GLRA2: variants seen among roughly 807,000 people sequenced by gnomAD.
GLRA2 encodes the protein glycine receptor alpha 2.
In GLRA2, 11 loss-of-function variants were observed where a neutral mutation model predicts 31.6. The observed-to-expected ratio is 0.35, with a 90% CI of 0.22 to 0.58. The LOEUF (loss-of-function observed/expected upper bound fraction) is 0.58. GLRA2 is among the 20% of genes least tolerant of loss of function. The probability of loss-of-function intolerance (pLI) is 0.84; values close to 1 mark genes in which losing one functional copy is unlikely to be tolerated. For synonymous variants in GLRA2, 132 were observed against 134.0 expected (o/e 0.99, Z 0.10); for missense variants, 212 against 351.8 (o/e 0.60, Z 3.18).
the GLRA2 span, among the ~76,000 whole-genome samples, chrX:14,475,282 T>G: frequency 8.9e-6 from 1 of 112,856 alleles, no homozygotes; most frequent in Non-Finnish European, 1.9e-5. Context: ...TAAAGACTGC[T>G]TCTTTACATT....
At chrX:14,550,354 G>A (rs1376199682) in intron 2 of GLRA2, among the ~76,000 whole-genome samples, 1 of 109,623 alleles carries the variant, frequency 9.1e-6, no homozygotes, top group Admixed American at 9.8e-5. Flanking sequence ...GATAATTGAT[G>A]GAGGAGAGTT....
At chrX:14,583,592 A>C (rs1462392977) in intron 4 of GLRA2, among the ~76,000 whole-genome samples, 1 of 111,619 alleles carries the variant, frequency 9.0e-6, no homozygotes, top group Non-Finnish European at 1.9e-5. Flanking sequence ...ATAAAAAATT[A>C]GCCGGGCATG....
intron 7 of GLRA2, among the ~76,000 whole-genome samples, chrX:14,668,082 C>T (rs1420938309): frequency 9.0e-6 from 1 of 111,595 alleles, no homozygotes; most frequent in Non-Finnish European, 1.9e-5. Flanking sequence ...ACTTCCAAAG[C>T]TCACTCATAT....
chrX:14,677,099 A>G (rs1414284889), intron 7 of GLRA2, among the ~76,000 whole-genome samples: 1 of 112,011 alleles, frequency 8.9e-6, no homozygotes, highest in Non-Finnish European at 1.9e-5. Flanking sequence ...CATCTAAATA[A>G]TAAGTATTCT....
chrX:14,481,780 C>A, the GLRA2 span, among the ~76,000 whole-genome samples: 5 of 109,601 alleles, frequency 4.6e-5, no homozygotes, highest in Non-Finnish European at 9.5e-5. Context: ...TATGGTAATA[C>A]AAACAAAACA....
intron 7 of GLRA2, among the ~76,000 whole-genome samples, chrX:14,653,986 A>G (rs1254508471): frequency 1.8e-5 from 2 of 111,800 alleles, no homozygotes; most frequent in Non-Finnish European, 3.8e-5. Context: ...TAAGCCAGGC[A>G]TGGTGGTGTG....
the GLRA2 span, among the ~76,000 whole-genome samples, chrX:14,466,741 C>A: frequency 1.8e-5 from 2 of 111,924 alleles, no homozygotes; most frequent in Admixed American, 1.9e-4. Flanking sequence ...CTTTTAGTAT[C>A]CTGAGGAAAA....
At position 14,576,236 on chromosome X, in the gene GLRA2, C is replaced by G. The variant is rs747398700; in HGVS notation, c.270+1836C>G. On this transcript the variant is annotated intron_variant, in intron 3 of 8. Coordinates refer to ENST00000218075, the MANE Select transcript of GLRA2 (RefSeq NM_002063.4). Reference sequence around the variant, plus strand: ...ATTAGACATAATTCAACTCCATTACCCATTTTGATATTATTCTGAAACATT... The same window carrying G: ...ATTAGACATAATTCAACTCCATTACGCATTTTGATATTATTCTGAAACATT... Among the ~76,000 whole-genome samples the G allele has an allele frequency of 3.6e-5, 4 of 111,196 alleles. No homozygotes were observed. In the South Asian group the frequency reaches 1.5e-3, roughly 42 times the overall value.
At chrX:14,548,360 AT>A (rs2089509400) in intron 2 of GLRA2, among the ~76,000 whole-genome samples, 1 of 111,649 alleles carries the variant, frequency 9.0e-6, no homozygotes, top group South Asian at 3.7e-4. Flanking sequence ...TACAGGTTGA[AT>A]TGAATTTATC....
At chrX:14,564,933 A>G (rs940595130) in intron 2 of GLRA2, among the ~76,000 whole-genome samples, 1 of 111,279 alleles carries the variant, frequency 9.0e-6, no homozygotes, top group African/African-American at 3.3e-5. Context: ...GAAAATCCAA[A>G]TGGTTCACTA....
intron 7 of GLRA2, among the ~76,000 whole-genome samples, chrX:14,646,645 G>C (rs1180458918): frequency 8.9e-6 from 1 of 111,823 alleles, no homozygotes; most frequent in Non-Finnish European, 1.9e-5. Context: ...TTAATTTGAG[G>C]AGCCAGTCTC....
chrX:14,481,703 T>G, the GLRA2 span, among the ~76,000 whole-genome samples: 1 of 111,455 alleles, frequency 9.0e-6, no homozygotes, highest in Non-Finnish European at 1.9e-5. Context: ...TATGTGATTG[T>G]AAATGAGTTC....
the GLRA2 span, among the ~76,000 whole-genome samples, chrX:14,522,283 G>A: frequency 1.8e-5 from 2 of 112,082 alleles, no homozygotes; most frequent in Admixed American, 9.5e-5. Context: ...CTCCTCATAC[G>A]TTTAAGTTTT....
At chrX:14,578,215 T>C (rs1439430811) in intron 3 of GLRA2, among the ~76,000 whole-genome samples, 2 of 111,857 alleles carry the variant, frequency 1.8e-5, no homozygotes, top group Non-Finnish European at 3.8e-5. Flanking sequence ...AATGATTATA[T>C]ATTTCAAGAA....
At chrX:14,645,205 T>C (rs1019270063) in intron 7 of GLRA2, among the ~76,000 whole-genome samples, 1 of 111,955 alleles carries the variant, frequency 8.9e-6, no homozygotes, top group South Asian at 3.7e-4. Flanking sequence ...ATTAATTGAC[T>C]TGGGTAGACA....
At chrX:14,501,150 T>C in the GLRA2 span, among the ~76,000 whole-genome samples, 2 of 110,867 alleles carry the variant, frequency 1.8e-5, no homozygotes, top group Admixed American at 9.6e-5. Flanking sequence ...CCTCTCAGCA[T>C]TTGTTTCTGC....
the GLRA2 span, among the ~76,000 whole-genome samples, chrX:14,454,837 A>C: frequency 8.9e-6 from 1 of 112,236 alleles, no homozygotes; most frequent in Non-Finnish European, 1.9e-5. Context: ...TGATATAAAA[A>C]TTAACCTCAT....
intron 8 of GLRA2, among the ~76,000 whole-genome samples, chrX:14,716,499 G>T (rs2091788537): frequency 9.0e-6 from 1 of 111,667 alleles, no homozygotes; most frequent in South Asian, 3.7e-4. Flanking sequence ...GACTACAATT[G>T]GTAAAGAGAG....
intron 7 of GLRA2, among the ~76,000 whole-genome samples, chrX:14,661,125 AATG>A (rs869183404): frequency 8.9e-6 from 1 of 112,196 alleles, no homozygotes; most frequent in Non-Finnish European, 1.9e-5. Context: ...TGAATGAATG[AATG>A]AACAGACACA....
Sources: gnomAD v4.1 joint callset for allele counts (sites outside exome capture counted in the v4.1 genomes callset) on GRCh38, gnomAD v4.1.1 for gene constraint, MANE v1.5 for transcripts, NCBI Gene and HGNC (gene_info 2026-07-23, HGNC 2026-07-21) for gene names.